The following TOGARAM1 variants were observed in gnomAD, a reference collection of about 807,000 sequenced individuals.
TOGARAM1 encodes TOG array regulator of axonemal microtubules 1.
In TOGARAM1, 100 loss-of-function variants were observed where a neutral mutation model predicts 166.6. The observed-to-expected ratio is 0.60, with a 90% CI of 0.51 to 0.71. The LOEUF (loss-of-function observed/expected upper bound fraction) is 0.71, where lower values mean the gene tolerates loss of function less well. Ranked by LOEUF, TOGARAM1 falls within the 30% of genes least tolerant of loss-of-function variation. TOGARAM1 has a pLI of 0.00. For synonymous variants in TOGARAM1, 758 were observed against 763.8 expected (o/e 0.99, Z 0.13); for missense variants, 2,029 against 2,102.7 (o/e 0.96, Z 0.69).
intron 14 of TOGARAM1, among the ~76,000 whole-genome samples, chr14:45,047,858 C>T (rs964013515): frequency 1.3e-5 from 2 of 149,176 alleles, no homozygotes; most frequent in Non-Finnish European, 3.0e-5. Context: ...GAGTTTGAGA[C>T]CAGCCTGCGA....
rs548839649 is a variant in TOGARAM1 at position 44,998,635 on chromosome 14, A to C, written c.2204-728A>C. ...GCAATAAGAGTGAGACCCTGTCTTAAAAAAAATAAAATAAAATAAAAAGAT... is the reference window on the plus strand; with the variant it reads ...GCAATAAGAGTGAGACCCTGTCTTACAAAAAATAAAATAAAATAAAAAGAT... On this transcript the variant is annotated intron_variant, in intron 2 of 19. Transcript: ENST00000361462. 3.9e-5 allele frequency among the ~76,000 whole-genome samples: 6 copies of C among 152,276 alleles called. No homozygotes were observed. In the South Asian group the frequency reaches 1.2e-3, roughly 32 times the overall value.
intron 8 of TOGARAM1, 38 bp downstream of exon 8, chr14:45,025,910 T>A: frequency 9.4e-7 from 1 of 1,069,446 alleles, no homozygotes; most frequent in Non-Finnish European, 1.4e-6. Context: ...TTATATGTAT[T>A]CATCATATAG....
At chr14:44,969,205 A>G (rs1885747531) in intron 1 of TOGARAM1, among the ~76,000 whole-genome samples, 1 of 136,652 alleles carries the variant, frequency 7.3e-6, no homozygotes, top group African/African-American at 2.8e-5. Context: ...CCCAGGCTGG[A>G]GTGCAGTGCG....
intron 2 of TOGARAM1, among the ~76,000 whole-genome samples, chr14:44,997,583 T>C (rs1887483166): frequency 6.6e-6 from 1 of 151,952 alleles, no homozygotes; most frequent in African/African-American, 2.4e-5. Flanking sequence ...CAAAAGTAAA[T>C]ATTACGGTAC....
intron 2 of TOGARAM1, chr14:44,996,468 G>C (rs1420219282): frequency 1.3e-5 from 2 of 152,088 alleles, no homozygotes; most frequent in African/African-American, 4.8e-5. Context: ...GGGAAAATAA[G>C]TAGAAAATTA....
intron 16 of TOGARAM1, among the ~76,000 whole-genome samples, chr14:45,059,159 C>A (rs868637477): frequency 6.6e-5 from 10 of 151,974 alleles, no homozygotes; most frequent in African/African-American, 2.4e-4. Context: ...CTCACCACAG[C>A]CTCGACCTCC....
chr14:44,965,187 T>G (rs1001082595), intron 1 of TOGARAM1, among the ~76,000 whole-genome samples: 2 of 152,208 alleles, frequency 1.3e-5, no homozygotes, highest in Non-Finnish European at 2.9e-5. Flanking sequence ...ATTTCACTCC[T>G]AAATATCTCG....
chr14:45,070,120 T>C (rs1030075619), intron 18 of TOGARAM1, among the ~76,000 whole-genome samples: 2 of 151,960 alleles, frequency 1.3e-5, no homozygotes, highest in Non-Finnish European at 2.9e-5. Flanking sequence ...AGGTGGAGCT[T>C]GCAGTGAACC....
intron 1 of TOGARAM1, 173 bp from the exon 2 acceptor site, chr14:44,995,573 A>ATT (rs1887373146): frequency 1.6e-6 from 1 of 637,030 alleles, no homozygotes; most frequent in Admixed American, 2.1e-5. Context: ...CTGGAATGAA[A>ATT]AGTACTGTTG....
intron 16 of TOGARAM1, among the ~76,000 whole-genome samples, chr14:45,063,947 C>G (rs539121526): frequency 1.3e-5 from 2 of 152,172 alleles, no homozygotes; most frequent in Non-Finnish European, 2.9e-5. Context: ...GATATCTGAT[C>G]AAGTTCCTCA....
intron 14 of TOGARAM1, among the ~76,000 whole-genome samples, chr14:45,046,962 G>A (rs1882095554): frequency 6.6e-6 from 1 of 152,084 alleles, no homozygotes; most frequent in African/African-American, 2.4e-5. Context: ...TCATGAAAAC[G>A]GCACAAGACT....
chr14:45,011,281 GT>G (rs1349132068), intron 6 of TOGARAM1, among the ~76,000 whole-genome samples: 1 of 152,014 alleles, frequency 6.6e-6, no homozygotes, highest in Non-Finnish European at 1.5e-5. Flanking sequence ...ATAGGTAGTA[GT>G]TAGATAATTA....
intron 7 of TOGARAM1, among the ~76,000 whole-genome samples, chr14:45,022,253 CT>C (rs1262762925): frequency 6.6e-6 from 1 of 151,498 alleles, no homozygotes; most frequent in African/African-American, 2.4e-5. Context: ...CCTCTTGGGC[CT>C]TTTCTGTCCT....
In TOGARAM1 at chr14:45,001,403, G is replaced by A. The variant is rs144265064; in HGVS notation, c.2338+1906G>A. Among the ~76,000 whole-genome samples, 50 of 152,280 alleles carry A rather than the reference G, an allele frequency of 3.3e-4. 1 individual carries two copies. The highest frequency in any genetic ancestry group is 1.1e-3 in the African/African-American group (46 of 41,556). On this transcript the variant is annotated intron_variant, in intron 3 of 19. Transcript: ENST00000361462. ...GTGACCAAAGCAAAAATGAACAAATGGGATCACATTTAGCTAAAAAGCTTC... is the reference window on the plus strand; with the variant it reads ...GTGACCAAAGCAAAAATGAACAAATAGGATCACATTTAGCTAAAAAGCTTC...
At chr14:45,015,689 T>G (rs867923879) in intron 7 of TOGARAM1, among the ~76,000 whole-genome samples, 42 of 152,176 alleles carry the variant, frequency 2.8e-4, no homozygotes, top group African/African-American at 9.6e-4. Context: ...TAACAACAGA[T>G]GTAGAAGAGG....
At position 44,962,260 on chromosome 14, in the gene TOGARAM1, A is replaced by T; in HGVS notation, c.-162A>T. 1.2e-6 allele frequency: 1 copy of T among 835,954 alleles called. No homozygotes were observed. The highest frequency in any genetic ancestry group is 2.4e-5 in the South Asian group (1 of 41,420). The allele number at this position is 835,954 out of a possible 1,614,324, so 51.8% of individuals were successfully genotyped here. On this transcript the variant is annotated 5_prime_UTR_variant, in exon 1 of 20. Transcript: ENST00000361462. ...GCTCAGACGGGGGCCATTTTGCCAGAGGCTGCCTCCCGGAGTTGGGGGCGG... is the reference window on the plus strand; with the variant it reads ...GCTCAGACGGGGGCCATTTTGCCAGTGGCTGCCTCCCGGAGTTGGGGGCGG...
At chr14:44,990,073 T>C (rs1224424596) in intron 1 of TOGARAM1, among the ~76,000 whole-genome samples, 1 of 152,200 alleles carries the variant, frequency 6.6e-6, no homozygotes, top group Admixed American at 6.5e-5. Flanking sequence ...AGTCTCTCCC[T>C]TGATATGTGG....
At chr14:44,976,862 C>T (rs182803895) in intron 1 of TOGARAM1, among the ~76,000 whole-genome samples, 469 of 152,188 alleles carry the variant, frequency 3.1e-3, no homozygotes, top group Non-Finnish European at 5.1e-3. Context: ...GAAATAGTTT[C>T]GATGTCAGTT....
chr14:45,019,426 AAACT>A (rs1880356291), intron 7 of TOGARAM1, among the ~76,000 whole-genome samples: 1 of 152,130 alleles, frequency 6.6e-6, no homozygotes, highest in South Asian at 2.1e-4. Context: ...TTGACACATA[AAACT>A]AACACCTGGA....
Sources: gnomAD v4.1 joint callset for allele counts (sites outside exome capture counted in the v4.1 genomes callset) on GRCh38, gnomAD v4.1.1 for gene constraint, MANE v1.5 for transcripts, NCBI Gene and HGNC (gene_info 2026-07-23, HGNC 2026-07-21) for gene names.